PTPRD: variants seen among roughly 807,000 people sequenced by gnomAD.
PTPRD encodes receptor-type tyrosine-protein phosphatase delta.
PTPRD carries 34 observed loss-of-function variants against 214.5 expected under a neutral mutation model. The ratio of observed to expected loss-of-function variants is 0.16; its 90% CI spans 0.12 to 0.21. The LOEUF is 0.21. Ranked by LOEUF, PTPRD falls within the 10% of genes least tolerant of loss-of-function variation. The probability of loss-of-function intolerance (pLI) is 1.00; values close to 1 mark genes in which losing one functional copy is unlikely to be tolerated. For missense variants in PTPRD, 2,545 were observed against 2,398.7 expected (o/e 1.06, Z -1.27); for synonymous variants, 1,128 against 845.7 (o/e 1.33, Z -5.79).
intron 18 of PTPRD, among the ~76,000 whole-genome samples, chr9:8,524,003 C>A (rs561399667): frequency 3.9e-5 from 6 of 152,180 alleles, no homozygotes; most frequent in African/African-American, 1.4e-4. Flanking sequence ...TCAGTCTTTT[C>A]TTTAATCCCA....
intron 3 of PTPRD, among the ~76,000 whole-genome samples, chr9:10,189,922 C>T (rs1044824289): frequency 6.6e-6 from 1 of 151,910 alleles, no homozygotes; most frequent in African/African-American, 2.4e-5. Context: ...CAAAACAGAG[C>T]ACGGAAGAGA....
At chr9:8,461,651 C>CT (rs1383364583) in intron 32 of PTPRD, among the ~76,000 whole-genome samples, 4 of 149,240 alleles carry the variant, frequency 2.7e-5, no homozygotes, top group African/African-American at 9.9e-5. Flanking sequence ...TTTATTTACT[C>CT]TTTACCTTTC....
intron 35 of PTPRD, among the ~76,000 whole-genome samples, chr9:8,435,077 C>T (rs912169944): frequency 1.3e-5 from 2 of 152,186 alleles, no homozygotes; most frequent in African/African-American, 4.8e-5. Flanking sequence ...TGCATCCTAT[C>T]AAATATGTGA....
At chr9:10,390,955 T>C (rs1037037600) in intron 2 of PTPRD, among the ~76,000 whole-genome samples, 1 of 151,834 alleles carries the variant, frequency 6.6e-6, no homozygotes, top group African/African-American at 2.4e-5. Flanking sequence ...CAGCTAACAG[T>C]CACCAGAAAT....
Position 8,436,626 on chromosome 9 carries a change from G to T in PTPRD, c.4052C>A (p.Ala1351Glu). 1 of 1,613,442 alleles carries T rather than the reference G, an allele frequency of 6.2e-7. No homozygotes were observed. The highest frequency in any genetic ancestry group is 8.5e-7 in the Non-Finnish European group (1 of 1,179,630). The change falls in exon 35 of 46, where the codon GCA becomes GAA. Residue 1351 changes from alanine to glutamate, a missense_variant. Physicochemically the swap from Ala to Glu is moderately radical, Grantham distance 107 (BLOSUM62 -1). Coordinates refer to ENST00000381196, the MANE Select transcript of PTPRD (RefSeq NM_002839.4). ...CTGGGAAAACTTCAAGTTGTCATTT[G>T]CTTTCAATCTTTCAATGTGGTCTGC... Reference protein sequence around the residue: ...ELADHIERLKANDNLKFSQEY... With the variant: ...ELADHIERLKENDNLKFSQEY...
At chr9:10,199,379 G>C (rs2099410649) in intron 3 of PTPRD, among the ~76,000 whole-genome samples, 2 of 152,032 alleles carry the variant, frequency 1.3e-5, no homozygotes, top group Non-Finnish European at 2.9e-5. Context: ...TCCACAATCA[G>C]TATTAACAGA....
chr9:8,943,297 A>G (rs2099044574), intron 11 of PTPRD, among the ~76,000 whole-genome samples: 1 of 152,046 alleles, frequency 6.6e-6, no homozygotes. Context: ...TATGGAACAC[A>G]AAAGACTCAG....
At chr9:9,538,933 T>C (rs2077038218) in intron 8 of PTPRD, among the ~76,000 whole-genome samples, 1 of 151,890 alleles carries the variant, frequency 6.6e-6, no homozygotes, top group Non-Finnish European at 1.5e-5. Flanking sequence ...TAAATTATTT[T>C]CTGAGTACTT....
intron 11 of PTPRD, among the ~76,000 whole-genome samples, chr9:8,934,880 TG>T (rs2098986063): frequency 6.6e-6 from 1 of 152,072 alleles, no homozygotes; most frequent in Admixed American, 6.6e-5. Flanking sequence ...TTTCTGTGCC[TG>T]TCTTATTTCA....
chr9:8,535,119 G>T (rs1366653309), intron 14 of PTPRD, among the ~76,000 whole-genome samples: 1 of 151,724 alleles, frequency 6.6e-6, no homozygotes, highest in Non-Finnish European at 1.5e-5. Context: ...TGAATTAGAT[G>T]ATGCATTAAA....
chr9:9,009,803 G>C (rs1487326861), intron 11 of PTPRD, among the ~76,000 whole-genome samples: 1 of 151,760 alleles, frequency 6.6e-6, no homozygotes, highest in East Asian at 1.9e-4. Context: ...ACGAGTATAA[G>C]GACAGATTGC....
chr9:10,409,189 C>G (rs947931337), intron 2 of PTPRD, among the ~76,000 whole-genome samples: 1 of 151,670 alleles, frequency 6.6e-6, no homozygotes, highest in Admixed American at 6.6e-5. Context: ...AAAAGTGTGC[C>G]AACTTCTGTT....
Position 10,454,126 on chromosome 9 carries a change from T to C in PTPRD, c.-599-113109A>G, listed in dbSNP as rs1302976066. Among the ~76,000 whole-genome samples the C allele has an allele frequency of 2.0e-5, 3 of 151,764 alleles. No individual in the cohort carries two copies. The East Asian group carries it at 5.8e-4, about 29-fold the overall frequency. On this transcript the variant is annotated intron_variant, in intron 2 of 45. Coordinates refer to ENST00000381196, the MANE Select transcript of PTPRD (RefSeq NM_002839.4). ...TTTCTATGAAAAAAATAGCAAACTATACCTACTAAACTGTAATCAACAGAT... is the reference window on the plus strand; with the variant it reads ...TTTCTATGAAAAAAATAGCAAACTACACCTACTAAACTGTAATCAACAGAT...
intron 33 of PTPRD, among the ~76,000 whole-genome samples, chr9:8,459,629 G>A (rs927449939): frequency 6.6e-6 from 1 of 152,024 alleles, no homozygotes; most frequent in Non-Finnish European, 1.5e-5. Flanking sequence ...TCTTATTAGA[G>A]ATTAGATGTT....
At chr9:9,007,526 C>T (rs569964211) in intron 11 of PTPRD, among the ~76,000 whole-genome samples, 1 of 151,896 alleles carries the variant, frequency 6.6e-6, no homozygotes, top group East Asian at 1.9e-4. Context: ...CTCCAATAAA[C>T]CAAATACAAA....
chr9:8,491,056 G>A (rs2097139247), intron 27 of PTPRD, among the ~76,000 whole-genome samples: 1 of 152,180 alleles, frequency 6.6e-6, no homozygotes, highest in Non-Finnish European at 1.5e-5. Flanking sequence ...CATGAGTAGC[G>A]GCTGCTTATG....
chr9:10,453,483 C>T (rs1166896186), intron 2 of PTPRD, among the ~76,000 whole-genome samples: 1 of 151,522 alleles, frequency 6.6e-6, no homozygotes, highest in African/African-American at 2.4e-5. Context: ...TCAATATCTT[C>T]CCTCAATGTT....
intron 5 of PTPRD, among the ~76,000 whole-genome samples, chr9:9,771,111 CT>C (rs1328590951): frequency 6.6e-6 from 1 of 152,214 alleles, no homozygotes; most frequent in African/African-American, 2.4e-5. Context: ...ATTTATGCAC[CT>C]TATGCCCAAT....
At chr9:9,203,617 A>T (rs145631016) in intron 9 of PTPRD, among the ~76,000 whole-genome samples, 17 of 152,174 alleles carry the variant, frequency 1.1e-4, no homozygotes, top group African/African-American at 2.6e-4. Context: ...CATTTTTCCT[A>T]TTCCCAAGAT....
Sources: allele counts gnomAD v4.1 joint callset (sites outside exome capture counted in the v4.1 genomes callset), GRCh38; gene constraint gnomAD v4.1.1; transcripts MANE v1.5; gene names NCBI Gene and HGNC (gene_info 2026-07-23, HGNC 2026-07-21).